SPOCK1: variants seen among roughly 807,000 people sequenced by gnomAD.
The protein encoded by SPOCK1 is SPARC (osteonectin), cwcv and kazal like domains proteoglycan 1.
Under a neutral mutation model 55.3 loss-of-function variants are expected in SPOCK1, and 23 were observed. That is an observed-to-expected ratio of 0.42 (90% confidence interval 0.30 to 0.59). SPOCK1 has a LOEUF of 0.59. SPOCK1 is among the 20% of genes least tolerant of loss of function. SPOCK1 has a pLI of 0.22. For synonymous variants in SPOCK1, 226 were observed against 221.0 expected (o/e 1.02, Z -0.20); for missense variants, 499 against 552.5 (o/e 0.90, Z 0.97).
chr5:137,247,982 T>C (rs1220624463), intron 3 of SPOCK1, among the ~76,000 whole-genome samples: 1 of 152,188 alleles, frequency 6.6e-6, no homozygotes, highest in Non-Finnish European at 1.5e-5. Context: ...GGATCAAATT[T>C]CAACATGAGC....
intron 4 of SPOCK1, among the ~76,000 whole-genome samples, chr5:137,137,586 A>G (rs967496061): frequency 5.3e-5 from 8 of 152,220 alleles, no homozygotes; most frequent in Admixed American, 1.3e-4. Flanking sequence ...CATCTCAGCC[A>G]GTGCCTCCTC....
At chr5:137,188,066 C>T (rs1755108614) in intron 3 of SPOCK1, among the ~76,000 whole-genome samples, 1 of 152,144 alleles carries the variant, frequency 6.6e-6, no homozygotes, top group Non-Finnish European at 1.5e-5. Context: ...GAGTTACAAT[C>T]CTATTAGGTG....
At chr5:137,441,195 C>G (rs1442581394) in intron 2 of SPOCK1, among the ~76,000 whole-genome samples, 2 of 152,224 alleles carry the variant, frequency 1.3e-5, no homozygotes, top group Non-Finnish European at 2.9e-5. Context: ...TTTCTCCAAT[C>G]TCTTTATAAA....
intron 3 of SPOCK1, among the ~76,000 whole-genome samples, chr5:137,143,999 C>T (rs1754146632): frequency 6.6e-6 from 1 of 152,146 alleles, no homozygotes; most frequent in South Asian, 2.1e-4. Context: ...GCACCATATT[C>T]TTAAGAGGCT....
intron 2 of SPOCK1, among the ~76,000 whole-genome samples, chr5:137,378,930 G>A (rs896153838): frequency 1.3e-5 from 2 of 152,172 alleles, no homozygotes; most frequent in African/African-American, 2.4e-5. Context: ...GGAGCCAGAC[G>A]TAGGAAATCA....
intron 5 of SPOCK1, among the ~76,000 whole-genome samples, chr5:137,078,887 T>A (rs977229427): frequency 4.6e-5 from 7 of 152,168 alleles, no homozygotes; most frequent in Non-Finnish European, 1.0e-4. Flanking sequence ...ATTCCTTGTA[T>A]CCTGCTATCC....
intron 2 of SPOCK1, among the ~76,000 whole-genome samples, chr5:137,364,318 G>GT (rs1218605459): frequency 1.3e-5 from 2 of 152,180 alleles, no homozygotes; most frequent in Non-Finnish European, 2.9e-5. Context: ...GCGGGGTGAC[G>GT]TTTTTTGCAG....
At chr5:137,114,841 T>C (rs1355860112) in intron 4 of SPOCK1, among the ~76,000 whole-genome samples, 1 of 152,238 alleles carries the variant, frequency 6.6e-6, no homozygotes, top group Non-Finnish European at 1.5e-5. Flanking sequence ...CTGAAGCAAT[T>C]CTTGTTATGA....
intron 6 of SPOCK1, among the ~76,000 whole-genome samples, chr5:137,026,851 G>T (rs777775313): frequency 9.9e-5 from 15 of 152,142 alleles, no homozygotes; most frequent in African/African-American, 3.4e-4. Context: ...TTGTTCTAGG[G>T]TGAGTAATTT....
At chr5:137,181,902 T>TG (rs2127064702) in intron 3 of SPOCK1, among the ~76,000 whole-genome samples, 1 of 152,340 alleles carries the variant, frequency 6.6e-6, no homozygotes, top group South Asian at 2.1e-4. Context: ...AGACAGGACC[T>TG]GGCCATGAAG....
chr5:137,056,907 G>A (rs1264042277), intron 6 of SPOCK1, among the ~76,000 whole-genome samples: 3 of 152,204 alleles, frequency 2.0e-5, no homozygotes, highest in Admixed American at 6.5e-5. Flanking sequence ...GGCTAGGTTT[G>A]TTCATTCAAG....
intron 2 of SPOCK1, among the ~76,000 whole-genome samples, chr5:137,326,794 G>A (rs1758085389): frequency 6.6e-6 from 1 of 152,154 alleles, no homozygotes; most frequent in Non-Finnish European, 1.5e-5. Context: ...CTATTTGACT[G>A]TTCGGAATTT....
chr5:137,344,731 G>C (rs530714018), intron 2 of SPOCK1, among the ~76,000 whole-genome samples: 21 of 152,262 alleles, frequency 1.4e-4, no homozygotes, highest in African/African-American at 5.1e-4. Flanking sequence ...TGGGCATAAG[G>C]TTTCACATAA....
intron 3 of SPOCK1, among the ~76,000 whole-genome samples, chr5:137,175,911 T>C (rs550971258): frequency 1.3e-5 from 2 of 152,184 alleles, no homozygotes; most frequent in Non-Finnish European, 2.9e-5. Context: ...GGAAAATGCA[T>C]AATTTGTTCA....
intron 3 of SPOCK1, among the ~76,000 whole-genome samples, chr5:137,185,319 A>G (rs1350230419): frequency 6.6e-6 from 1 of 152,182 alleles, no homozygotes; most frequent in African/African-American, 2.4e-5. Context: ...ACTTGCTCCA[A>G]GACTGAGGCC....
intron 6 of SPOCK1, among the ~76,000 whole-genome samples, chr5:137,023,111 A>G (rs1027362996): frequency 6.6e-6 from 1 of 152,194 alleles, no homozygotes; most frequent in Non-Finnish European, 1.5e-5. Flanking sequence ...TACCTGGGAC[A>G]ACTTGTATGC....
intron 5 of SPOCK1, among the ~76,000 whole-genome samples, chr5:137,088,391 T>C (rs1752997736): frequency 6.6e-6 from 1 of 152,250 alleles, no homozygotes; most frequent in Admixed American, 6.5e-5. Flanking sequence ...ATTTCTCACA[T>C]ACTTGAAAGA....
At chr5:137,119,274 C>G (rs1412360726) in intron 4 of SPOCK1, among the ~76,000 whole-genome samples, 1 of 152,150 alleles carries the variant, frequency 6.6e-6, no homozygotes, top group Non-Finnish European at 1.5e-5. Flanking sequence ...TTTGCCAAAT[C>G]AAAACTAATT....
chr5:137,463,852 G>A (rs1753544811), intron 2 of SPOCK1, among the ~76,000 whole-genome samples: 1 of 152,148 alleles, frequency 6.6e-6, no homozygotes, highest in South Asian at 2.1e-4. Context: ...GGAGACTGAG[G>A]CAAGAGAATC....
Sources: allele counts gnomAD v4.1 joint callset (sites outside exome capture counted in the v4.1 genomes callset), GRCh38; gene constraint gnomAD v4.1.1; transcripts MANE v1.5; gene names NCBI Gene and HGNC (gene_info 2026-07-23, HGNC 2026-07-21).